The following SLC30A3 variants were observed in gnomAD, a reference collection of about 807,000 sequenced individuals.
SLC30A3 encodes probable proton-coupled zinc antiporter SLC30A3.
A neutral mutation model predicts 35.6 loss-of-function variants in SLC30A3; 20 were observed. The observed-to-expected ratio is 0.56, with a 90% CI of 0.39 to 0.82. SLC30A3 has a LOEUF of 0.82. Among genes scored for constraint, SLC30A3 ranks in the 40% least tolerant of loss-of-function variants. The pLI is 0.00. For missense variants in SLC30A3, 401 were observed against 530.6 expected (o/e 0.76, Z 2.40); for synonymous variants, 217 against 224.7 (o/e 0.97, Z 0.31).
rs1676939427 is a variant in SLC30A3, at chr2:27,257,576, G to A, written c.579-224C>T. The A allele has an allele frequency of 6.6e-6, 4 of 606,880 alleles. No homozygotes were observed. The highest frequency in any genetic ancestry group is 1.2e-5 in the Non-Finnish European group (4 of 341,860). The allele number at this position is 606,880 out of a possible 1,614,324, so 37.6% of individuals were successfully genotyped here. Reference sequence around the variant, plus strand: ...TTACTTAAATAGATATGTGACTTGGGCAAGTCACCTGTTGGGATTGACTGC... The same window carrying A: ...TTACTTAAATAGATATGTGACTTGGACAAGTCACCTGTTGGGATTGACTGC... On this transcript the variant is annotated intron_variant, in intron 4 of 7. Coordinates refer to ENST00000233535, the MANE Select transcript of SLC30A3 (RefSeq NM_003459.5). The surrounding 1 kb of genome is among the most constrained non-coding windows in gnomAD (Gnocchi z 4.7).
At chr2:27,259,107 G>A (rs1264712041) in intron 1 of SLC30A3, 173 bp from the exon 2 acceptor site, 30 of 552,922 alleles carry the variant, frequency 5.4e-5, no homozygotes, top group Non-Finnish European at 5.1e-5. Context: ...AAATGAACAG[G>A]TCAGAGCCCA....
chr2:27,264,121 C>G (rs551076816), upstream of SLC30A3: 3 of 1,209,118 alleles, frequency 2.5e-6, no homozygotes, highest in Non-Finnish European at 3.3e-6. This position sits in a 1 kb window ranked among gnomAD's most constrained non-coding sequence, Gnocchi z 6.1. Flanking sequence ...ATTGTGCACT[C>G]GAAGCTGTGA....
intron 1 of SLC30A3, among the ~76,000 whole-genome samples, chr2:27,274,947 T>G (rs60631624): frequency 0.23 from 34,498 of 152,112 alleles, 4,165 homozygotes; most frequent in Admixed American, 0.34. Context: ...TAATGAGACG[T>G]GCAAACTCAT....
At position 27,275,313 on chromosome 2, in the gene SLC30A3, C is replaced by G. The variant is rs375898252; in HGVS notation, c.-295G>C. The stretch of plus-strand genomic sequence containing the variant: ...CCAAGGCCTGGCAGCAACGCTCCTA[C>G]GCTGCCTTGGGCCGCAGGCCTGCTA... On this transcript the variant is annotated 5_prime_UTR_variant, in exon 1 of 6. Transcript: ENST00000424577. The G allele has an allele frequency of 7.5e-5, 69 of 920,590 alleles. No individual in the cohort carries two copies. The African/African-American group carries it at 1.1e-3, about 15-fold the overall frequency. The allele number at this position is 920,590 out of a possible 1,614,324, so 57.0% of individuals were successfully genotyped here.
chr2:27,262,680 G>C lies in SLC30A3; in HGVS notation c.95+132C>G. The C allele has an allele frequency of 1.2e-6, 1 of 847,000 alleles. No individual in the cohort carries two copies. The highest frequency in any genetic ancestry group is 1.7e-6 in the Non-Finnish European group (1 of 581,158). 52.5% of individuals were successfully genotyped at this position (847,000 alleles called of 1,614,324 possible). On this transcript the variant is annotated intron_variant, in intron 1 of 7. Coordinates refer to ENST00000233535, the MANE Select transcript of SLC30A3 (RefSeq NM_003459.5). This position sits in a 1 kb window ranked among gnomAD's most constrained non-coding sequence, Gnocchi z 7.5. ...CCGTGTGGCCAGAGGGGATGAAGCG[G>C]GGTGCAGCGGAGCGAGGGACCCGCG...
chr2:27,270,063 C>T (rs889048489), intron 1 of SLC30A3, among the ~76,000 whole-genome samples: 2 of 152,174 alleles, frequency 1.3e-5, no homozygotes, highest in African/African-American at 4.8e-5. Flanking sequence ...CTTCCCAAAA[C>T]ATAACCTGAT....
chr2:27,268,780 G>T (rs1677605288), intron 1 of SLC30A3, among the ~76,000 whole-genome samples: 1 of 152,108 alleles, frequency 6.6e-6, no homozygotes, highest in South Asian at 2.1e-4. Flanking sequence ...AGTTTGAAGG[G>T]GTAAATTGGC....
chr2:27,255,216 AC>A lies in SLC30A3; in HGVS notation c.*95del. ...AGGAGGGAGAGAGGAAGGGGTATGG[AC>A]CTGGCTCGGTCCCGTCTCTGTGATC... On this transcript the variant is annotated 3_prime_UTR_variant, in exon 8 of 8. Coordinates refer to ENST00000233535, the MANE Select transcript of SLC30A3 (RefSeq NM_003459.5). This position sits in a 1 kb window ranked among gnomAD's most constrained non-coding sequence, Gnocchi z 5.2. The A allele has an allele frequency of 6.2e-7, 1 of 1,605,966 alleles. No homozygotes were observed. The highest frequency in any genetic ancestry group is 8.5e-7 in the Non-Finnish European group (1 of 1,178,000).
At position 27,269,205 on chromosome 2, in the gene SLC30A3, TTTC is replaced by T. The variant is rs1301248366; in HGVS notation, c.-158-5126_-158-5124del. 1.2e-4 allele frequency among the ~76,000 whole-genome samples: 15 copies of T among 129,708 alleles called. No homozygotes were observed. The East Asian group carries it at 1.4e-3, about 12-fold the overall frequency. 85.1% of individuals were successfully genotyped at this position (129,708 alleles called of 152,430 possible). A position where few individuals can be genotyped will look rare whatever the true frequency, so the allele number is the denominator to read the frequency against. Reference sequence around the variant, plus strand: ...GGTTTTTTTTTTCTTTTTCTTTTTCTTTCTTTTTTTTTTTTTTTGGAGACAGAG... The same window carrying T: ...GGTTTTTTTTTTCTTTTTCTTTTTCTTTTTTTTTTTTTTTTGGAGACAGAG... On this transcript the variant is annotated intron_variant, in intron 1 of 5. Coordinates refer to the SLC30A3 transcript ENST00000424577.
In SLC30A3 at chr2:27,262,997, G is replaced by A. The variant is rs1462804166; in HGVS notation, c.-91C>T. ...AGTCCGAGCAGCCCGCCGACCCCCG[G>A]GATCCCCGCAGGGCGGCGGGGCCAC... On this transcript the variant is annotated 5_prime_UTR_variant, in exon 1 of 8. Coordinates refer to ENST00000233535, the MANE Select transcript of SLC30A3 (RefSeq NM_003459.5). The surrounding 1 kb of genome is among the most constrained non-coding windows in gnomAD (Gnocchi z 7.5). 7.0e-7 allele frequency: 1 copy of A among 1,419,684 alleles called. No individual in the cohort carries two copies. The highest frequency in any genetic ancestry group is 3.1e-5 in the East Asian group (1 of 32,694). 87.9% of individuals were successfully genotyped at this position (1,419,684 alleles called of 1,614,324 possible).
In SLC30A3 at chr2:27,258,671, G is replaced by A; in HGVS notation, c.277+82C>T. The A allele has an allele frequency of 6.7e-7, 1 of 1,491,954 alleles. No individual in the cohort carries two copies. Among genetic ancestry groups the A allele is most frequent in the Admixed American group, 1.7e-5 (1 of 58,894 alleles). The allele number at this position is 1,491,954 out of a possible 1,614,324, so 92.4% of individuals were successfully genotyped here. A position where few individuals can be genotyped will look rare whatever the true frequency, so the allele number is the denominator to read the frequency against. ...ATCCCCATCTCTGCATCTGCACCCA[G>A]GAACATTCCTGGGACTCTGGGTGGA... is the stretch of plus-strand genomic sequence containing the variant. On this transcript the variant is annotated intron_variant, in intron 2 of 7. Transcript: ENST00000233535. The surrounding 1 kb of genome is among the most constrained non-coding windows in gnomAD (Gnocchi z 4.0).
upstream of SLC30A3, chr2:27,264,082 A>T (rs1191353379): frequency 1.6e-6 from 2 of 1,287,578 alleles, no homozygotes; most frequent in East Asian, 1.1e-4. This position sits in a 1 kb window ranked among gnomAD's most constrained non-coding sequence, Gnocchi z 6.1. Context: ...ACCTGCCGCC[A>T]CTGTAGAATG....
intron 1 of SLC30A3, among the ~76,000 whole-genome samples, chr2:27,274,207 C>A (rs1677877627): frequency 6.6e-6 from 1 of 152,198 alleles, no homozygotes; most frequent in Non-Finnish European, 1.5e-5. Context: ...CACCTGTAAT[C>A]CCAGCTACTT....
At chr2:27,274,865 T>C (rs1677932598) in intron 1 of SLC30A3, among the ~76,000 whole-genome samples, 1 of 152,236 alleles carries the variant, frequency 6.6e-6, no homozygotes, top group South Asian at 2.1e-4. Flanking sequence ...GACATGCTCA[T>C]GATGGCATCA....
rs1207133918 is a variant in SLC30A3, at chr2:27,271,664, G to A, written c.-159+3513C>T. ...GCTTGTGTGTTCTTCCTAGGACTGA[G>A]CTGCGTGTGAGAAGAGCCCAGGCAT... On this transcript the variant is annotated intron_variant, in intron 1 of 5. Coordinates refer to the SLC30A3 transcript ENST00000424577. This position sits in a 1 kb window ranked among gnomAD's most constrained non-coding sequence, Gnocchi z 4.3. Among the ~76,000 whole-genome samples, 1 of 152,222 alleles carries A rather than the reference G, an allele frequency of 6.6e-6. No homozygotes were observed. Among genetic ancestry groups the A allele is most frequent in the African/African-American group, 2.4e-5 (1 of 41,454 alleles).
At position 27,262,722 on chromosome 2, in the gene SLC30A3, G is replaced by A. The variant is rs948350176; in HGVS notation, c.95+90C>T. On this transcript the variant is annotated intron_variant, in intron 1 of 7. Coordinates refer to ENST00000233535, the MANE Select transcript of SLC30A3 (RefSeq NM_003459.5). This position sits in a 1 kb window ranked among gnomAD's most constrained non-coding sequence, Gnocchi z 7.5. ...GGACCCGCGGTGCGCTGGGGCGGCC[G>A]CCGGGGCCCGCGCCGAGAGAGACAA... 6 of 1,298,548 alleles carry A rather than the reference G, an allele frequency of 4.6e-6. No homozygotes were observed. The highest frequency in any genetic ancestry group is 3.1e-5 in the East Asian group (1 of 32,296). 80.4% of individuals were successfully genotyped at this position (1,298,548 alleles called of 1,614,324 possible).
upstream of SLC30A3, among the ~76,000 whole-genome samples, chr2:27,263,770 G>A (rs555956202): frequency 1.4e-5 from 2 of 145,290 alleles, no homozygotes; most frequent in Non-Finnish European, 3.0e-5. Flanking sequence ...TTCCCTCCCC[G>A]GCTCTGGACG....
intron 7 of SLC30A3, 87 bp downstream of exon 7, chr2:27,256,299 A>G: frequency 2.0e-6 from 3 of 1,491,114 alleles, no homozygotes; most frequent in Non-Finnish European, 2.8e-6. Context: ...AAAAAGACTG[A>G]AACAATTCCA....
At chr2:27,256,948 C>G (rs1283195360) in intron 5 of SLC30A3, 55 bp from the exon 6 acceptor site, 1 of 1,327,292 alleles carries the variant, frequency 7.5e-7, no homozygotes, top group African/African-American at 1.5e-5. Context: ...AGAGGAAGAT[C>G]TAGGGGTATC....
Sources: allele counts gnomAD v4.1 joint callset (sites outside exome capture counted in the v4.1 genomes callset), GRCh38; gene constraint gnomAD v4.1.1; non-coding constraint Gnocchi (gnomAD v3.1); transcripts MANE v1.5; gene names NCBI Gene and HGNC (gene_info 2026-07-23, HGNC 2026-07-21).